Variants in TANC2 observed in about 807,000 individuals in gnomAD.
TANC2 encodes tetratricopeptide repeat, ankyrin repeat and coiled-coil containing 2, also known as protein TANC2.
In TANC2, 26 loss-of-function variants were observed where a neutral mutation model predicts 210.5. The ratio of observed to expected loss-of-function variants is 0.12; its 90% CI spans 0.09 to 0.17. The LOEUF is 0.17. Ranked by LOEUF, TANC2 falls within the 10% of genes least tolerant of loss-of-function variation. The pLI is 1.00. For missense variants in TANC2, 2,129 were observed against 2,608.9 expected (o/e 0.82, Z 4.01); for synonymous variants, 931 against 967.1 (o/e 0.96, Z 0.69).
intron 3 of TANC2, among the ~76,000 whole-genome samples, chr17:63,087,834 G>A (rs1398341340): frequency 6.6e-6 from 1 of 152,138 alleles, no homozygotes; most frequent in Admixed American, 6.5e-5. Context: ...GTGCGTTTCT[G>A]CATTCTCTAT....
At chr17:63,076,873 A>G (rs1178219471) in intron 3 of TANC2, among the ~76,000 whole-genome samples, 1 of 152,176 alleles carries the variant, frequency 6.6e-6, no homozygotes, top group African/African-American at 2.4e-5. Flanking sequence ...GGACAAAAAT[A>G]AGAAACGAAG....
chr17:63,373,053 C>A (rs1027072294), intron 14 of TANC2, among the ~76,000 whole-genome samples: 1 of 151,926 alleles, frequency 6.6e-6, no homozygotes. Context: ...TGCCACCACA[C>A]CCGCCTAATT....
At chr17:63,267,929 AGCC>A in intron 9 of TANC2, 56 bp downstream of exon 9, 2 of 1,552,580 alleles carry the variant, frequency 1.3e-6, no homozygotes, top group African/African-American at 1.4e-5. Flanking sequence ...AATGGGCAAA[AGCC>A]AAAAAGTTGC....
At chr17:63,052,802 C>A (rs2144406310) in intron 2 of TANC2, among the ~76,000 whole-genome samples, 1 of 152,262 alleles carries the variant, frequency 6.6e-6, no homozygotes, top group Non-Finnish European at 1.5e-5. Flanking sequence ...GCCATTGCAA[C>A]ACAAATACAG....
intron 3 of TANC2, among the ~76,000 whole-genome samples, chr17:63,077,006 T>C (rs1227390840): frequency 6.6e-6 from 1 of 152,154 alleles, no homozygotes; most frequent in Non-Finnish European, 1.5e-5. Flanking sequence ...ATAATTTTCT[T>C]AACTGAAGAG....
At chr17:62,977,657 T>A (rs927452895) in intron 1 of TANC2, among the ~76,000 whole-genome samples, 1 of 152,118 alleles carries the variant, frequency 6.6e-6, no homozygotes, top group African/African-American at 2.4e-5. Flanking sequence ...ATTACAAAAG[T>A]AATATTCTCC....
At chr17:63,215,894 C>T (rs1242092140) in intron 7 of TANC2, among the ~76,000 whole-genome samples, 4 of 151,966 alleles carry the variant, frequency 2.6e-5, no homozygotes, top group South Asian at 2.1e-4. Context: ...GGACTACAGG[C>T]GTCCGCCACC....
chr17:63,299,481 G>A (rs1475190503), intron 9 of TANC2, among the ~76,000 whole-genome samples: 1 of 149,848 alleles, frequency 6.7e-6, no homozygotes, highest in African/African-American at 2.4e-5. Flanking sequence ...GGCATGAGAT[G>A]GTATCTCATT....
At chr17:63,162,158 G>A (rs568738929) in intron 5 of TANC2, among the ~76,000 whole-genome samples, 2 of 152,230 alleles carry the variant, frequency 1.3e-5, no homozygotes, top group South Asian at 2.1e-4. Flanking sequence ...AAAATAAAAA[G>A]CCAGGCATGG....
intron 9 of TANC2, among the ~76,000 whole-genome samples, chr17:63,300,082 C>G (rs1208707839): frequency 2.0e-5 from 3 of 152,084 alleles, no homozygotes; most frequent in Non-Finnish European, 4.4e-5. Context: ...TGTCAAAGAT[C>G]AGATGGTTGT....
chr17:63,201,999 T>C (rs2145806638), intron 7 of TANC2, among the ~76,000 whole-genome samples: 1 of 152,280 alleles, frequency 6.6e-6, no homozygotes, highest in South Asian at 2.1e-4. Flanking sequence ...TTTTGACAAC[T>C]AGAAAATATT....
At chr17:63,099,185 C>T (rs1486095556) in exon 4 of TANC2, 3 of 1,610,044 alleles carry the variant, frequency 1.9e-6, no homozygotes, top group Non-Finnish European at 2.5e-6. Context: ...GTGGCATCTC[C>T]ACAGAAAGCG....
At chr17:62,971,181 T>A (rs778830731) in intron 1 of TANC2, among the ~76,000 whole-genome samples, 7 of 151,116 alleles carry the variant, frequency 4.6e-5, no homozygotes, top group African/African-American at 1.2e-4. Flanking sequence ...AAAAAAAAAA[T>A]GAGTTAAGGA....
chr17:63,289,254 T>C (rs1482862816), intron 9 of TANC2, among the ~76,000 whole-genome samples: 2 of 152,184 alleles, frequency 1.3e-5, no homozygotes, highest in East Asian at 1.9e-4. Flanking sequence ...TTGTTTCAAA[T>C]ATTTATTCTG....
intron 1 of TANC2, among the ~76,000 whole-genome samples, chr17:62,982,306 G>A (rs1382535108): frequency 6.6e-6 from 1 of 152,052 alleles, no homozygotes; most frequent in African/African-American, 2.4e-5. Context: ...CAGGAACTGG[G>A]GACAAAGGTT....
intron 9 of TANC2, among the ~76,000 whole-genome samples, chr17:63,307,568 T>C (rs2044963425): frequency 6.6e-6 from 1 of 152,244 alleles, no homozygotes; most frequent in Admixed American, 6.5e-5. Context: ...TGCTACATTT[T>C]TATATTCTAT....
At chr17:63,226,225 G>A (rs2042324885) in intron 7 of TANC2, among the ~76,000 whole-genome samples, 1 of 152,126 alleles carries the variant, frequency 6.6e-6, no homozygotes, top group Admixed American at 6.5e-5. Context: ...GACACCATAG[G>A]GGGTCTGTGG....
chr17:63,194,041 A>G, exon 6 of TANC2: 4 of 1,613,376 alleles, frequency 2.5e-6, no homozygotes, highest in Non-Finnish European at 3.4e-6. Flanking sequence ...TGAGGCAGCA[A>G]ACACACTCAT....
At chr17:63,208,289 G>C (rs1007564024) in intron 7 of TANC2, among the ~76,000 whole-genome samples, 1 of 152,168 alleles carries the variant, frequency 6.6e-6, no homozygotes, top group African/African-American at 2.4e-5. Context: ...TTCGCATGCA[G>C]TGTATTGCTG....
Sources: gnomAD v4.1 joint callset for allele counts (sites outside exome capture counted in the v4.1 genomes callset) on GRCh38, gnomAD v4.1.1 for gene constraint, MANE v1.5 for transcripts, NCBI Gene and HGNC (gene_info 2026-07-23, HGNC 2026-07-21) for gene names.